The following ERBB4 variants were observed in gnomAD, a reference collection of about 807,000 sequenced individuals.
The protein encoded by ERBB4 is erb-b2 receptor tyrosine kinase 4.
In ERBB4, 42 loss-of-function variants were observed where a neutral mutation model predicts 158.0. That is an observed-to-expected ratio of 0.27 (90% CI 0.21 to 0.34). The LOEUF (loss-of-function observed/expected upper bound fraction) is 0.34, where lower values mean the gene tolerates loss of function less well. Ranked by LOEUF, ERBB4 falls within the 10% of genes least tolerant of loss-of-function variation. The probability of loss-of-function intolerance (pLI) is 1.00; values close to 1 mark genes in which losing one functional copy is unlikely to be tolerated. For missense variants in ERBB4, 1,333 were observed against 1,624.1 expected, an observed-to-expected ratio of 0.82 and a Z score of 3.08; for synonymous variants, 583 against 558.7, an observed-to-expected ratio of 1.04 and a Z score of -0.61.
intron 1 of ERBB4, 58 bp from the exon 2 acceptor site, chr2:212,124,961 GATA>G (rs1180929639): frequency 1.3e-6 from 2 of 1,571,690 alleles, no homozygotes; most frequent in Non-Finnish European, 1.8e-6. Context: ...TATGCGCAAT[GATA>G]ATATCTTTCT....
chr2:212,399,310 A>G (rs890518257), intron 1 of ERBB4, among the ~76,000 whole-genome samples: 5 of 151,996 alleles, frequency 3.3e-5, no homozygotes, highest in African/African-American at 1.2e-4. Context: ...TATAGAAAGA[A>G]ATGATATGAG....
chr2:211,522,746 C>T (rs4441403), intron 20 of ERBB4, among the ~76,000 whole-genome samples: 9 of 152,088 alleles, frequency 5.9e-5, no homozygotes, highest in Admixed American at 1.3e-4. Context: ...AAGGCTTAGA[C>T]GATCATTCTC....
At chr2:211,571,663 T>A (rs1369379439) in intron 19 of ERBB4, among the ~76,000 whole-genome samples, 1 of 152,222 alleles carries the variant, frequency 6.6e-6, no homozygotes, top group Non-Finnish European at 1.5e-5. Flanking sequence ...TCTCTGTTTT[T>A]TTCTCTGGAA....
intron 2 of ERBB4, among the ~76,000 whole-genome samples, chr2:212,023,358 A>G (rs539589476): frequency 6.6e-6 from 1 of 152,206 alleles, no homozygotes; most frequent in East Asian, 1.9e-4. Context: ...TGGGTATTAC[A>G]TGTTCTCTCT....
chr2:211,708,612 T>TTCTCTCTCTCTC (rs60948715), intron 9 of ERBB4, among the ~76,000 whole-genome samples: 11 of 116,574 alleles, frequency 9.4e-5, no homozygotes, highest in African/African-American at 2.8e-5. Flanking sequence ...GTTTCCATCC[T>TTCTCTCTCTCTC]TCTCTCTCTC....
chr2:211,703,230 T>C (rs963566250), intron 11 of ERBB4, among the ~76,000 whole-genome samples: 1 of 152,170 alleles, frequency 6.6e-6, no homozygotes, highest in African/African-American at 2.4e-5. Flanking sequence ...ATTACAATGT[T>C]AGCACAATGT....
At chr2:212,491,343 A>G (rs1690265613) in intron 1 of ERBB4, among the ~76,000 whole-genome samples, 1 of 151,682 alleles carries the variant, frequency 6.6e-6, no homozygotes, top group South Asian at 2.1e-4. Flanking sequence ...ACATTACAGA[A>G]TCAAAGTTAG....
intron 1 of ERBB4, among the ~76,000 whole-genome samples, chr2:212,435,667 C>G (rs1412831264): frequency 6.6e-6 from 1 of 151,680 alleles, no homozygotes; most frequent in Non-Finnish European, 1.5e-5. Flanking sequence ...ACACGAAATC[C>G]CAGGTTCTAG....
At chr2:211,484,094 C>A (rs2065147000) in intron 20 of ERBB4, among the ~76,000 whole-genome samples, 1 of 151,988 alleles carries the variant, frequency 6.6e-6, no homozygotes, top group African/African-American at 2.4e-5. Context: ...GTAGAAATAC[C>A]ACTTAAAGAT....
intron 1 of ERBB4, among the ~76,000 whole-genome samples, chr2:212,195,717 C>T (rs908586274): frequency 2.0e-5 from 3 of 151,930 alleles, no homozygotes; most frequent in African/African-American, 7.3e-5. Context: ...TTACCATATC[C>T]CTATACTTAA....
chr2:211,630,378 G>C (rs2070059420), intron 17 of ERBB4, 84 bp downstream of exon 17: 3 of 1,506,898 alleles, frequency 2.0e-6, no homozygotes, highest in South Asian at 2.3e-5. Context: ...AATTTTACTT[G>C]GATTAAATAA....
At chr2:212,111,393 T>C (rs1194771705) in intron 2 of ERBB4, among the ~76,000 whole-genome samples, 1 of 152,226 alleles carries the variant, frequency 6.6e-6, no homozygotes, top group African/African-American at 2.4e-5. Context: ...TGCTACTGGA[T>C]TTGTTACAGC....
chr2:211,864,289 G>T (rs2078147021), intron 3 of ERBB4, among the ~76,000 whole-genome samples: 1 of 152,144 alleles, frequency 6.6e-6, no homozygotes, highest in Admixed American at 6.5e-5. Flanking sequence ...CAGACTGGGT[G>T]GGAGCCCATC....
chr2:211,388,099 AG>A, intron 25 of ERBB4, 107 bp from the exon 26 acceptor site: 1 of 834,604 alleles, frequency 1.2e-6, no homozygotes, highest in Non-Finnish European at 2.1e-6. Context: ...TATGAACCAA[AG>A]GGGAAAAAGT....
chr2:212,422,910 T>C (rs1483308239), intron 1 of ERBB4, among the ~76,000 whole-genome samples: 9 of 152,156 alleles, frequency 5.9e-5, no homozygotes, highest in Admixed American at 5.9e-4. Context: ...TCATTTTCAA[T>C]GGGAAGTATA....
At chr2:211,889,308 G>A (rs1313383357) in intron 3 of ERBB4, among the ~76,000 whole-genome samples, 105 of 144,878 alleles carry the variant, frequency 7.2e-4, no homozygotes, top group African/African-American at 2.7e-3. Context: ...TCACACGGCA[G>A]GGTATTCCAA....
intron 20 of ERBB4, among the ~76,000 whole-genome samples, chr2:211,504,085 T>G (rs1054142183): frequency 6.6e-6 from 1 of 152,100 alleles, no homozygotes; most frequent in South Asian, 2.1e-4. Context: ...TTGCAACTTC[T>G]GCTAACATCA....
chr2:211,773,629 T>TATATATA (rs2075784878), intron 4 of ERBB4, among the ~76,000 whole-genome samples: 1 of 51,078 alleles, frequency 2.0e-5, no homozygotes, highest in Non-Finnish European at 4.1e-5. Flanking sequence ...TATATATATA[T>TATATATA]ATATATATAT....
intron 1 of ERBB4, among the ~76,000 whole-genome samples, chr2:212,203,889 T>C (rs1038239338): frequency 1.3e-5 from 2 of 152,226 alleles, no homozygotes; most frequent in East Asian, 3.9e-4. Flanking sequence ...TTTAACTTTG[T>C]TTCTAGATAA....
Sources: allele counts gnomAD v4.1 joint callset (sites outside exome capture counted in the v4.1 genomes callset), GRCh38; gene constraint gnomAD v4.1.1; transcripts MANE v1.5; gene names NCBI Gene and HGNC (gene_info 2026-07-23, HGNC 2026-07-21).